Variants in DHX32 observed in about 807,000 individuals in gnomAD.
The protein encoded by DHX32 is DEAH-box helicase 32 (putative).
DHX32 carries 51 observed loss-of-function variants against 70.0 expected under a neutral mutation model. That is an observed-to-expected ratio of 0.73 (90% CI 0.58 to 0.92). The LOEUF is 0.92. DHX32 is among the 40% of genes least tolerant of loss of function. The pLI is 0.00. For missense variants in DHX32, 762 were observed against 891.8 expected (o/e 0.85, Z 1.85); for synonymous variants, 310 against 315.3 (o/e 0.98, Z 0.18).
intron 10 of DHX32, 41 bp from the exon 11 acceptor site, chr10:125,836,896 A>G (rs1182109088): frequency 1.9e-6 from 3 of 1,576,326 alleles, no homozygotes; most frequent in Non-Finnish European, 2.6e-6. Flanking sequence ...TGAGTGGGGA[A>G]GGTGGTGAGA....
In DHX32 at chr10:125,859,929, A is replaced by C. The variant is rs1267962637; in HGVS notation, c.523T>G (p.Phe175Val). ...MLQREMMSNPFLGSYGVIILD... is the reference protein window; with the variant it reads ...MLQREMMSNPVLGSYGVIILD... ...ATGATGACCCCATAGCTACCCAAAA[A>C]AGGATTGGACATCATTTCTCTTTGC... The change falls in exon 3 of 11, where the codon TTT becomes GTT. Residue 175 changes from phenylalanine (F) to valine (V), a missense_variant. By Grantham distance (50) the Phe-to-Val change is conservative. Coordinates refer to ENST00000284690, the MANE Select transcript of DHX32 (RefSeq NM_018180.3). 6.2e-7 allele frequency: 1 copy of C among 1,611,496 alleles called. No homozygotes were observed. Among genetic ancestry groups the C allele is most frequent in the African/African-American group, 1.3e-5 (1 of 74,788 alleles).
chr10:125,841,599 CCTCA>C (rs770787508), intron 7 of DHX32, 140 bp downstream of exon 7: 13 of 1,449,344 alleles, frequency 9.0e-6, no homozygotes, highest in East Asian at 5.0e-5. Flanking sequence ...TATTAAAATA[CCTCA>C]CTATCATTTC....
intron 6 of DHX32, among the ~76,000 whole-genome samples, chr10:125,850,634 C>T (rs1013402550): frequency 1.3e-5 from 2 of 152,074 alleles, no homozygotes; most frequent in Non-Finnish European, 2.9e-5. Flanking sequence ...GGATTAGAGG[C>T]GTGAGCCACT....
At chr10:125,846,789 T>G (rs1944027268) in intron 6 of DHX32, among the ~76,000 whole-genome samples, 1 of 152,120 alleles carries the variant, frequency 6.6e-6, no homozygotes, top group Non-Finnish European at 1.5e-5. Context: ...TCAAATAGAA[T>G]CAATGGCTCC....
chr10:125,852,747 C>A, intron 4 of DHX32, 105 bp from the exon 5 acceptor site: 1 of 998,666 alleles, frequency 1.0e-6, no homozygotes. Context: ...CCATGAAATG[C>A]ACTGCCACAG....
chr10:125,841,787 A>T lies in DHX32; in HGVS notation c.1499T>A (p.Phe500Tyr). ...LSKSILASCE[F>Y]DCVDEVLTIA... Reference sequence around the variant, plus strand: ...TGTTAGCACTTCATCTACACAGTCAAATTCACAGGACGCTAAGATAGACTT... The same window carrying T: ...TGTTAGCACTTCATCTACACAGTCATATTCACAGGACGCTAAGATAGACTT... The change falls in exon 7 of 11, where the codon TTT becomes TAT. Residue 500 changes from phenylalanine to tyrosine, a missense_variant. Coordinates refer to ENST00000284690, the MANE Select transcript of DHX32 (RefSeq NM_018180.3). The T allele has an allele frequency of 6.2e-7, 1 of 1,613,332 alleles. No homozygotes were observed. Among genetic ancestry groups the T allele is most frequent in the African/African-American group, 1.3e-5 (1 of 75,038 alleles).
Position 125,839,072 on chromosome 10 carries a change from C to T in DHX32, c.1810G>A (p.Glu604Lys). Residue 604 changes from glutamate to lysine, a missense_variant, in exon 9 of 11, where the codon GAA becomes AAA. Glu to Lys is a moderately conservative substitution (Grantham distance 56). Transcript: ENST00000284690. The part of the protein sequence containing the change: ...IIKRIELPYA[E>K]PAFGSKENTL... ...TTTTCCTTGGAGCCAAAAGCAGGTT[C>T]TGCATAGGGAAGCTCGATTCGCTTG... 6.2e-7 allele frequency: 1 copy of T among 1,614,200 alleles called. No homozygotes were observed. Among genetic ancestry groups the T allele is most frequent in the African/African-American group, 1.3e-5 (1 of 75,056 alleles).
At chr10:125,859,532 G>GT (rs1473179903) in intron 3 of DHX32, 71 bp downstream of exon 3, 3 of 1,477,456 alleles carry the variant, frequency 2.0e-6, no homozygotes, top group Non-Finnish European at 2.7e-6. Context: ...ACTGAAACCT[G>GT]TATGTTAGTT....
intron 7 of DHX32, chr10:125,841,454 T>G: frequency 6.5e-7 from 1 of 1,539,660 alleles, no homozygotes; most frequent in Non-Finnish European, 8.8e-7. Flanking sequence ...GTGACACATT[T>G]TCTTCATCTG....
At chr10:125,864,723 G>A (rs1353375512) in intron 2 of DHX32, among the ~76,000 whole-genome samples, 1 of 151,936 alleles carries the variant, frequency 6.6e-6, no homozygotes, top group Non-Finnish European at 1.5e-5. Flanking sequence ...CAGCTAAGGA[G>A]TTTGAGACCA....
chr10:125,883,645 T>C (rs1478728554), upstream of DHX32, among the ~76,000 whole-genome samples: 1 of 152,178 alleles, frequency 6.6e-6, no homozygotes, highest in African/African-American at 2.4e-5. Flanking sequence ...CAAAGTATCA[T>C]GAGACAACAA....
At chr10:125,876,627 G>A (rs1414078339) in intron 1 of DHX32, among the ~76,000 whole-genome samples, 1 of 152,068 alleles carries the variant, frequency 6.6e-6, no homozygotes, top group Non-Finnish European at 1.5e-5. Flanking sequence ...ATGCAGAGCC[G>A]GAACCTAACC....
At position 125,880,779 on chromosome 10, in the gene DHX32, G is replaced by C; in HGVS notation, c.46C>G (p.Arg16Gly). 1 of 1,614,128 alleles carries C rather than the reference G, an allele frequency of 6.2e-7. No individual in the cohort carries two copies. Among genetic ancestry groups the C allele is most frequent in the Non-Finnish European group, 8.5e-7 (1 of 1,180,024 alleles). Residue 16 changes from arginine to glycine, a missense_variant, in exon 1 of 11, where the codon CGC (arginine) becomes GGC (glycine). Around this residue, in one of 3 missense-constraint regions of DHX32, gnomAD observed 394 missense variants for 473.1 expected, o/e 0.83. Coordinates refer to ENST00000284690, the MANE Select transcript of DHX32 (RefSeq NM_018180.3). ...LECPNSSSEK[R>G]YFPESLDSSD... ...GAATCCAGGGATTCAGGAAAATAGC[G>C]TTTTTCAGAGGAAGAGTTTGGACAC...
Position 125,849,263 on chromosome 10 carries a change from G to A in DHX32, c.1351+3030C>T, listed in dbSNP as rs185388897. Among the ~76,000 whole-genome samples, 20 of 152,292 alleles carry A rather than the reference G, an allele frequency of 1.3e-4. No homozygotes were observed. The East Asian group carries it at 3.1e-3, about 24-fold the overall frequency. The stretch of plus-strand genomic sequence containing the variant: ...CATCTTTCCGCCTGCACTGTTGCAC[G>A]CAAAAACATATCAACTTAAATGATA... On this transcript the variant is annotated intron_variant, in intron 6 of 10. Coordinates refer to ENST00000284690, the MANE Select transcript of DHX32 (RefSeq NM_018180.3).
chr10:125,856,783 C>CA (rs146951679), intron 3 of DHX32, among the ~76,000 whole-genome samples: 4,213 of 143,490 alleles, frequency 0.029, 180 homozygotes, highest in African/African-American at 0.099. Flanking sequence ...CCGTCTCTAC[C>CA]AAAAAAAAAA....
intron 6 of DHX32, chr10:125,842,157 G>T (rs1439572772): frequency 3.0e-5 from 18 of 592,124 alleles, no homozygotes; most frequent in Middle Eastern, 9.6e-4. Context: ...TCCGAGGAGG[G>T]TCCCAGCTGC....
At chr10:125,843,469 G>A (rs1466789638) in intron 6 of DHX32, among the ~76,000 whole-genome samples, 1 of 152,080 alleles carries the variant, frequency 6.6e-6, no homozygotes, top group African/African-American at 2.4e-5. Flanking sequence ...AAAATTAGCC[G>A]GGCGTGGTGG....
chr10:125,836,779 C>T lies in DHX32; in HGVS notation c.2140G>A (p.Val714Met). The T allele has an allele frequency of 1.2e-6, 2 of 1,614,140 alleles. No individual in the cohort carries two copies. Among genetic ancestry groups the T allele is most frequent in the South Asian group, 1.1e-5 (1 of 91,082 alleles). Residue 714 changes from valine (V) to methionine (M), a missense_variant, in exon 11 of 11, where the codon GTG (valine) becomes ATG (methionine). By Grantham distance (21) the Val-to-Met change is conservative. Transcript: ENST00000284690. ...SESKDILQQV[V>M]DHLSPVSTMN... ...GTTGACACAGGGGATAGGTGATCCA[C>T]TACTTGCTGTAGAATGTCCTTACTT...
chr10:125,856,748 C>A (rs903346793), intron 3 of DHX32, among the ~76,000 whole-genome samples: 1 of 152,012 alleles, frequency 6.6e-6, no homozygotes, highest in Non-Finnish European at 1.5e-5. Context: ...GAGTTCAAGA[C>A]CAGCCTGGGC....
Sources: gnomAD v4.1 joint callset for allele counts (sites outside exome capture counted in the v4.1 genomes callset) on GRCh38, gnomAD v4.1.1 for gene constraint, gnomAD v4.1.1 regional missense constraint, MANE v1.5 for transcripts, NCBI Gene and HGNC (gene_info 2026-07-23, HGNC 2026-07-21) for gene names.